Variants in VPS16 observed in about 807,000 individuals in gnomAD.
VPS16 encodes the protein vacuolar protein sorting-associated protein 16 homolog.
A neutral mutation model predicts 116.0 loss-of-function variants in VPS16; 82 were observed. The ratio of observed to expected loss-of-function variants is 0.71; its 90% confidence interval spans 0.59 to 0.85. The LOEUF (loss-of-function observed/expected upper bound fraction) is 0.85. Ranked by LOEUF, VPS16 falls within the 40% of genes least tolerant of loss-of-function variation. VPS16 has a pLI of 0.00. For synonymous variants in VPS16, 406 were observed against 420.7 expected (o/e 0.96, Z 0.43); for missense variants, 928 against 1,090.6 (o/e 0.85, Z 2.10).
At chr20:2,855,370 T>C (rs1434371545) in intron 1 of VPS16, among the ~76,000 whole-genome samples, 1 of 152,086 alleles carries the variant, frequency 6.6e-6, no homozygotes, top group Non-Finnish European at 1.5e-5. Flanking sequence ...TGCTGTCATC[T>C]AGGCTTTGTT....
At chr20:2,847,501 A>AG (rs2089072683) in intron 1 of VPS16, among the ~76,000 whole-genome samples, 1 of 135,748 alleles carries the variant, frequency 7.4e-6, no homozygotes, top group Non-Finnish European at 1.5e-5. Context: ...TTTTTTTAAG[A>AG]CGGACTCTTG....
At chr20:2,856,864 G>A (rs1025023034) in intron 1 of VPS16, among the ~76,000 whole-genome samples, 5 of 151,974 alleles carry the variant, frequency 3.3e-5, no homozygotes, top group South Asian at 2.1e-4. Flanking sequence ...TATATAGTGT[G>A]TGTATCTGGT....
In VPS16 at chr20:2,864,018, G is replaced by A; in HGVS notation, c.1546G>A (p.Gly516Ser). Residue 516 changes from glycine (G) to serine (S), a missense_variant, in exon 16 of 24, where the codon GGT becomes AGT. Transcript: ENST00000380445. The surrounding 1 kb of genome is among the most constrained non-coding windows in gnomAD (Gnocchi z 5.2). ...AINQKLGDTP[G>S]VSYSDIAARA... ...TAACCAGAAGCTGGGGGACACGCCT[G>A]GTGTCTCTTACTCCGACATTGCTGC... The A allele has an allele frequency of 6.2e-7, 1 of 1,614,128 alleles. No individual in the cohort carries two copies. The highest frequency in any genetic ancestry group is 8.5e-7 in the Non-Finnish European group (1 of 1,180,006).
Position 2,865,013 on chromosome 20 carries a change from C to G in VPS16, c.1962C>G (p.Ala654=). The G allele has an allele frequency of 1.2e-6, 2 of 1,614,132 alleles. No homozygotes were observed. The highest frequency in any genetic ancestry group is 1.7e-6 in the Non-Finnish European group (2 of 1,180,024). The change falls in exon 20 of 24, where the codon GCC becomes GCG. Residue 654 remains alanine (A), a synonymous_variant. Transcript: ENST00000380445. This position sits in a 1 kb window ranked among gnomAD's most constrained non-coding sequence, Gnocchi z 5.2. ...GGCGAGTAGCAGCTCTGCAGACAGC[C>G]GCCGATGCCTTCTACAAGGCCAAGA... ...IEGRVAALQT[A]ADAFYKAKNE...
chr20:2,845,875 G>A (rs1247577147), intron 1 of VPS16, among the ~76,000 whole-genome samples: 2 of 152,074 alleles, frequency 1.3e-5, no homozygotes, highest in African/African-American at 4.8e-5. Context: ...CTTACTTCCT[G>A]TGACTGGCTT....
In VPS16 at chr20:2,854,264, C is replaced by CACACACACACACACACACACACACAA. The variant is rs1359113049; in HGVS notation, c.54-5454_54-5453insCACACACACACACACACACACACAAA. On this transcript the variant is annotated intron_variant, in intron 1 of 23. Coordinates refer to ENST00000380445, the MANE Select transcript of VPS16 (RefSeq NM_022575.4). ...ACACACACACACACACACACACACA[C>CACACACACACACACACACACACACAA]AAATTTTTTAGCCAAGTGCACTAGC... is the stretch of plus-strand genomic sequence containing the variant. Among the ~76,000 whole-genome samples the CACACACACACACACACACACACACAA allele has an allele frequency of 2.3e-3, 344 of 150,106 alleles. 1 individual carries two copies. The highest frequency in any genetic ancestry group is 7.4e-3 in the African/African-American group (299 of 40,596).
chr20:2,847,543 A>G (rs1010109792), intron 1 of VPS16, among the ~76,000 whole-genome samples: 4 of 147,860 alleles, frequency 2.7e-5, no homozygotes, highest in Non-Finnish European at 4.4e-5. Flanking sequence ...CAATGGCATG[A>G]TCTCGGCTCA....
chr20:2,864,189 A>G lies in VPS16; in HGVS notation c.1622A>G (p.Tyr541Cys). ...RTELAIKLLE[Y>C]EPRSGEQVPL... ...CTTCTCACCTCACAGCTGCTGGAGT[A>G]TGAGCCACGCTCAGGGGAGCAGGTA... The change falls in exon 17 of 24, where the codon TAT (tyrosine) becomes TGT (cysteine). Residue 541 changes from tyrosine to cysteine, a missense_variant. Transcript: ENST00000380445. This position sits in a 1 kb window ranked among gnomAD's most constrained non-coding sequence, Gnocchi z 5.2. 1 of 1,614,178 alleles carries G rather than the reference A, an allele frequency of 6.2e-7. No homozygotes were observed. The highest frequency in any genetic ancestry group is 1.3e-5 in the African/African-American group (1 of 75,046).
intron 1 of VPS16, among the ~76,000 whole-genome samples, chr20:2,849,270 A>G (rs62205659): frequency 0.11 from 16,883 of 151,474 alleles, 1,135 homozygotes; most frequent in African/African-American, 0.16. Context: ...TTTCAGCAGT[A>G]GCAGCTATGT....
At chr20:2,840,872 C>T in intron 1 of VPS16, 45 bp downstream of exon 1, 8 of 1,512,930 alleles carry the variant, frequency 5.3e-6, no homozygotes, top group Middle Eastern at 2.4e-4. Context: ...TTACCCTGCT[C>T]GCCCGCCGGC....
intron 1 of VPS16, among the ~76,000 whole-genome samples, chr20:2,854,238 T>TACACACACACACACACACAC (rs150363426): frequency 0.046 from 6,379 of 139,750 alleles, 413 homozygotes; most frequent in African/African-American, 0.14. Flanking sequence ...ACCCCGTCTC[T>TACACACACACACACACACAC]ACACACACAC....
In VPS16 at chr20:2,864,554, A is replaced by G; in HGVS notation, c.1826A>G (p.Lys609Arg). The G allele has an allele frequency of 1.2e-6, 2 of 1,614,122 alleles. No homozygotes were observed. The highest frequency in any genetic ancestry group is 1.7e-6 in the Non-Finnish European group (2 of 1,180,036). ...MALSLYRQFC[K>R]HQELETLKDL... ...GCCTGCCTGTGGCCCCAGTTCTGTA[A>G]GCATCAGGAGCTAGAGACGCTGAAG... The change falls in exon 19 of 24, where the codon AAG becomes AGG. Residue 609 changes from lysine (K) to arginine (R), a missense_variant. By Grantham distance (26) the Lys-to-Arg change is conservative. Transcript: ENST00000380445. This position sits in a 1 kb window ranked among gnomAD's most constrained non-coding sequence, Gnocchi z 5.2.
chr20:2,853,407 C>T (rs1280330316), intron 1 of VPS16, among the ~76,000 whole-genome samples: 16 of 148,062 alleles, frequency 1.1e-4, no homozygotes, highest in Admixed American at 1.1e-3. Context: ...CAAACAACAA[C>T]AAAAAAAAAA....
intron 1 of VPS16, among the ~76,000 whole-genome samples, chr20:2,856,051 A>G (rs1234342950): frequency 1.3e-5 from 2 of 152,204 alleles, no homozygotes; most frequent in Non-Finnish European, 2.9e-5. Flanking sequence ...TTGGCTTTCA[A>G]CGTGCCTTCC....
intron 22 of VPS16, 67 bp from the exon 23 acceptor site, chr20:2,866,145 C>A: frequency 4.9e-6 from 7 of 1,436,776 alleles, no homozygotes; most frequent in Non-Finnish European, 6.8e-6. Flanking sequence ...TGCGCCTCTG[C>A]TCGTAAGAGA....
At chr20:2,843,565 G>T (rs1162037186) in intron 1 of VPS16, among the ~76,000 whole-genome samples, 1 of 152,188 alleles carries the variant, frequency 6.6e-6, no homozygotes, top group African/African-American at 2.4e-5. Flanking sequence ...AGCTGACCAA[G>T]GTAGCCATGT....
chr20:2,856,307 C>G (rs973819986), intron 1 of VPS16, among the ~76,000 whole-genome samples: 4 of 151,968 alleles, frequency 2.6e-5, no homozygotes, highest in African/African-American at 9.7e-5. Context: ...TTTGTGGCAC[C>G]CCAAAACAAT....
At chr20:2,842,743 C>G (rs1288629132) in intron 1 of VPS16, among the ~76,000 whole-genome samples, 7 of 22,098 alleles carry the variant, frequency 3.2e-4, no homozygotes, top group African/African-American at 7.2e-4. Context: ...TCTATAGATA[C>G]ATATAGATGT....
Position 2,865,402 on chromosome 20 carries a change from C to G in VPS16, c.2178C>G (p.Leu726=), listed in dbSNP as rs1178162715. The G allele has an allele frequency of 6.2e-7, 1 of 1,614,120 alleles. No individual in the cohort carries two copies. Among genetic ancestry groups the G allele is most frequent in the Admixed American group, 1.7e-5 (1 of 60,020 alleles). ...TCCAAGCCCAGCTTTCCTGCAGGCT[C>G]TGGTGGCTGAAGCTGACTGCCCTGG... The part of the protein sequence containing the change: ...ARDFRIPDKR[L]WWLKLTALAD... The change falls in exon 22 of 24, where the codon CTC becomes CTG. Residue 726 remains leucine, a synonymous_variant. Transcript: ENST00000380445. This position sits in a 1 kb window ranked among gnomAD's most constrained non-coding sequence, Gnocchi z 5.2.
Sources: allele counts gnomAD v4.1 joint callset (sites outside exome capture counted in the v4.1 genomes callset), GRCh38; gene constraint gnomAD v4.1.1; non-coding constraint Gnocchi (gnomAD v3.1); transcripts MANE v1.5; gene names NCBI Gene and HGNC (gene_info 2026-07-23, HGNC 2026-07-21).